DNAI3: variants seen among roughly 807,000 people sequenced by gnomAD.
DNAI3 encodes the protein WD repeat domain 63.
Under a neutral mutation model 115.5 loss-of-function variants are expected in DNAI3, and 83 were observed. The observed-to-expected ratio is 0.72, with a 90% CI of 0.60 to 0.86. DNAI3 has a LOEUF of 0.86. Ranked by LOEUF, DNAI3 falls within the 40% of genes least tolerant of loss-of-function variation. The pLI is 0.00. For synonymous variants in DNAI3, 320 were observed against 347.0 expected (o/e 0.92, Z 0.86); for missense variants, 1,004 against 1,075.8 (o/e 0.93, Z 0.93).
At position 85,130,077 on chromosome 1, in the gene DNAI3, A is replaced by G. The variant is rs1197917813; in HGVS notation, c.2497A>G (p.Lys833Glu). ...CAAAAAAATTCGTGAGCAAGAAAAG[A>G]AAGAAATGGAACTAGAAATGGCAAA... ...QRKKIREQEK[K>E]EMELEMAKKK... Residue 833 changes from lysine to glutamate, a missense_variant, in exon 22 of 23, where the codon AAA becomes GAA. This residue lies in a region of DNAI3 where 429 missense variants were observed against 454.3 expected (regional missense o/e 0.94). Coordinates refer to ENST00000294664, the MANE Select transcript of DNAI3 (RefSeq NM_145172.5). The G allele has an allele frequency of 1.8e-5, 29 of 1,613,850 alleles. No individual in the cohort carries two copies. Among genetic ancestry groups the G allele is most frequent in the Non-Finnish European group, 2.4e-5 (28 of 1,179,888 alleles).
At chr1:85,107,986 C>A in intron 14 of DNAI3, 47 bp from the exon 15 acceptor site, 1 of 1,364,848 alleles carries the variant, frequency 7.3e-7, no homozygotes, top group South Asian at 1.7e-5. Context: ...CCTGAGGCTG[C>A]ACCTCTTGTT....
rs557622470 is a variant in DNAI3 at position 85,126,715 on chromosome 1, T to C, written c.2317T>C (p.Ser773Pro). Residue 773 changes from serine (S) to proline (P), a missense_variant and splice_region_variant, in exon 20 of 23, where the codon TCT becomes CCT. By Grantham distance (74) the Ser-to-Pro change is moderately conservative. Around this residue, in one of 3 missense-constraint regions of DNAI3, gnomAD observed 429 missense variants for 454.3 expected, o/e 0.94. Coordinates refer to ENST00000294664, the MANE Select transcript of DNAI3 (RefSeq NM_145172.5). ...CTACATCAAACCCTGGATCTTTTCT[T>C]GTATGTTAATTCTAACTAAATAAGC... Reference protein sequence around the residue: ...ITYIKPWIFSSKQQFIATADY... With the variant: ...ITYIKPWIFSPKQQFIATADY... 1 of 1,614,118 alleles carries C rather than the reference T, an allele frequency of 6.2e-7. No homozygotes were observed. The highest frequency in any genetic ancestry group is 1.3e-5 in the African/African-American group (1 of 75,052).
intron 7 of DNAI3, 79 bp downstream of exon 7, chr1:85,086,109 T>C: frequency 7.6e-7 from 1 of 1,323,702 alleles, no homozygotes; most frequent in Non-Finnish European, 1.1e-6. Context: ...TTTTGAGAGC[T>C]CTTTATAATA....
intron 22 of DNAI3, among the ~76,000 whole-genome samples, chr1:85,131,459 A>T (rs566563330): frequency 2.7e-4 from 40 of 148,722 alleles, no homozygotes; most frequent in South Asian, 6.5e-4. Context: ...AAAAAAAAAA[A>T]AAAATAAAGC....
intron 3 of DNAI3, among the ~76,000 whole-genome samples, chr1:85,077,419 C>A (rs1324989997): frequency 1.3e-5 from 2 of 152,114 alleles, no homozygotes; most frequent in African/African-American, 4.8e-5. Context: ...AGATATGACA[C>A]CCACAGCCAA....
At chr1:85,106,503 G>A (rs1428981790) in intron 14 of DNAI3, among the ~76,000 whole-genome samples, 1 of 152,136 alleles carries the variant, frequency 6.6e-6, no homozygotes, top group Non-Finnish European at 1.5e-5. Flanking sequence ...TGGTCAATAA[G>A]CACATAAAAA....
In DNAI3 at chr1:85,127,861, T is replaced by A. The variant is rs114189464; in HGVS notation, c.2318-847T>A. On this transcript the variant is annotated intron_variant, in intron 20 of 22. Transcript: ENST00000294664. ...CGGGCATGGTGGCTTACACCTCTAATCCCAGCACTTTGGGAGGCTGAGTGA... is the reference window on the plus strand; with the variant it reads ...CGGGCATGGTGGCTTACACCTCTAAACCCAGCACTTTGGGAGGCTGAGTGA... Among the ~76,000 whole-genome samples the A allele has an allele frequency of 5.1e-3, 781 of 152,208 alleles. 4 individuals are homozygous for A. Among genetic ancestry groups the A allele is most frequent in the African/African-American group, 0.018 (735 of 41,532 alleles).
intron 1 of DNAI3, among the ~76,000 whole-genome samples, chr1:85,065,594 G>C (rs1261400341): frequency 6.6e-6 from 1 of 152,090 alleles, no homozygotes; most frequent in African/African-American, 2.4e-5. Context: ...GAGTGGCAAT[G>C]GCCTTTATGC....
chr1:85,117,430 T>C (rs1655863371), intron 16 of DNAI3, among the ~76,000 whole-genome samples: 1 of 152,168 alleles, frequency 6.6e-6, no homozygotes, highest in Non-Finnish European at 1.5e-5. Context: ...CAAATACTTT[T>C]AAAAAGAAAC....
At chr1:85,106,227 C>T (rs1434558661) in intron 14 of DNAI3, among the ~76,000 whole-genome samples, 1 of 151,978 alleles carries the variant, frequency 6.6e-6, no homozygotes, top group African/African-American at 2.4e-5. Flanking sequence ...TGATGAAACA[C>T]CAAAAGTGCA....
intron 1 of DNAI3, among the ~76,000 whole-genome samples, chr1:85,070,134 A>C (rs1366223634): frequency 6.6e-6 from 1 of 151,906 alleles, no homozygotes; most frequent in Non-Finnish European, 1.5e-5. Context: ...GCTGGCGTGC[A>C]CCTGTAGTCC....
chr1:85,129,055 A>C (rs1386437335), intron 21 of DNAI3, among the ~76,000 whole-genome samples: 1 of 152,176 alleles, frequency 6.6e-6, no homozygotes. Flanking sequence ...GGGGATTCAT[A>C]ATCAGAAAAT....
At chr1:85,082,427 T>A in intron 5 of DNAI3, 23 bp downstream of exon 5, 1 of 1,583,476 alleles carries the variant, frequency 6.3e-7, no homozygotes, top group East Asian at 2.2e-5. Flanking sequence ...CAAGCCCTTG[T>A]AATTTGTTTG....
At position 85,110,406 on chromosome 1, in the gene DNAI3, G is replaced by C. The variant is rs6665327; in HGVS notation, c.1786+271G>C. Among the ~76,000 whole-genome samples, 1,229 of 151,470 alleles carry C rather than the reference G, an allele frequency of 8.1e-3. 16 individuals carry two copies. Among genetic ancestry groups the C allele is most frequent in the African/African-American group, 0.028 (1,145 of 41,222 alleles). The stretch of plus-strand genomic sequence containing the variant: ...GCAGAGCTTGCAGTGAGCCGAGATC[G>C]TGCCACTGTACTCCAGTCCGGGCAA... On this transcript the variant is annotated intron_variant, in intron 16 of 22. Transcript: ENST00000294664.
intron 7 of DNAI3, among the ~76,000 whole-genome samples, chr1:85,086,754 G>C (rs986267000): frequency 4.0e-5 from 6 of 151,774 alleles, no homozygotes; most frequent in African/African-American, 1.5e-4. Context: ...CTCCTGCTTG[G>C]ATTACTGTAA....
Position 85,110,115 on chromosome 1 carries a change from A to T in DNAI3, c.1766A>T (p.His589Leu), listed in dbSNP as rs753080574. The T allele has an allele frequency of 6.2e-7, 1 of 1,612,896 alleles. No homozygotes were observed. ...ACCAAGATAAGCCTGAATGAAGACCATCTTCTTTGCAAAACACAAGGTAAC... is the reference window on the plus strand; with the variant it reads ...ACCAAGATAAGCCTGAATGAAGACCTTCTTCTTTGCAAAACACAAGGTAAC... ...CPTKISLNED[H>L]LLCKTQDKML... The change falls in exon 16 of 23, where the codon CAT (histidine) becomes CTT (leucine). Residue 589 changes from histidine (H) to leucine (L), a missense_variant. Physicochemically the swap from His to Leu is moderately conservative, Grantham distance 99. This residue lies in a region of DNAI3 where 429 missense variants were observed against 454.3 expected (regional missense o/e 0.94). Coordinates refer to ENST00000294664, the MANE Select transcript of DNAI3 (RefSeq NM_145172.5).
At chr1:85,063,980 T>C (rs1654016842) in intron 1 of DNAI3, among the ~76,000 whole-genome samples, 1 of 152,198 alleles carries the variant, frequency 6.6e-6, no homozygotes, top group African/African-American at 2.4e-5. Context: ...AGATTGTAAA[T>C]ATATTATTTA....
chr1:85,111,518 G>GCA (rs1274935510), intron 16 of DNAI3, among the ~76,000 whole-genome samples: 1 of 152,138 alleles, frequency 6.6e-6, no homozygotes, highest in Non-Finnish European at 1.5e-5. Context: ...GGCCCCAGGG[G>GCA]TACGATGGTG....
chr1:85,077,875 TAAA>T, intron 3 of DNAI3, among the ~76,000 whole-genome samples: 1 of 146,848 alleles, frequency 6.8e-6, no homozygotes, highest in African/African-American at 2.5e-5. Context: ...ACCAAAATGT[TAAA>T]AAAAAAAAAG....
Sources: gnomAD v4.1 joint callset for allele counts (sites outside exome capture counted in the v4.1 genomes callset) on GRCh38, gnomAD v4.1.1 for gene constraint, gnomAD v4.1.1 regional missense constraint, MANE v1.5 for transcripts, NCBI Gene and HGNC (gene_info 2026-07-23, HGNC 2026-07-21) for gene names.